Variants in SMYD4 observed in about 807,000 individuals in gnomAD.
The protein encoded by SMYD4 is protein-lysine N-methyltransferase SMYD4.
A neutral mutation model predicts 72.8 loss-of-function variants in SMYD4; 68 were observed. That is an observed-to-expected ratio of 0.93 (90% CI 0.77 to 1.14). SMYD4 has a LOEUF of 1.14. Ranked by LOEUF, SMYD4 falls within the 50% of genes most tolerant of loss-of-function variation. The pLI, the probability that SMYD4 is intolerant of heterozygous loss-of-function variation, is 0.00. For synonymous variants in SMYD4, 407 were observed against 388.6 expected, an observed-to-expected ratio of 1.05 and a Z score of -0.56; for missense variants, 984 against 1,003.7, an observed-to-expected ratio of 0.98 and a Z score of 0.27.
Position 1,827,738 on chromosome 17 carries a change from C to G in SMYD4, c.134+123G>C, listed in dbSNP as rs1439662337. ...ATTGCTTGAGCCCAGAAATTTGAGACCAGCCTGGGAAACAAGCAAGACTCA... is the reference window on the plus strand; with the variant it reads ...ATTGCTTGAGCCCAGAAATTTGAGAGCAGCCTGGGAAACAAGCAAGACTCA... On this transcript the variant is annotated intron_variant, in intron 2 of 10. Coordinates refer to ENST00000305513, the MANE Select transcript of SMYD4 (RefSeq NM_052928.3). 4 of 1,302,546 alleles carry G rather than the reference C, an allele frequency of 3.1e-6. No individual in the cohort carries two copies. In the African/African-American group the frequency reaches 6.0e-5, roughly 19 times the overall value. 80.7% of individuals were successfully genotyped at this position (1,302,546 alleles called of 1,614,324 possible). A position where few individuals can be genotyped will look rare whatever the true frequency, so the allele number is the denominator to read the frequency against.
chr17:1,807,929 A>G (rs1445096338), intron 3 of SMYD4, among the ~76,000 whole-genome samples: 1 of 152,158 alleles, frequency 6.6e-6, no homozygotes, highest in African/African-American at 2.4e-5. Flanking sequence ...TAAAATCTAC[A>G]TGAACAGATT....
intron 8 of SMYD4, 136 bp from the exon 9 acceptor site, chr17:1,783,612 GCA>G (rs1253432726): frequency 4.3e-6 from 6 of 1,406,272 alleles, no homozygotes; most frequent in Non-Finnish European, 5.7e-6. Context: ...TGTCACCAAC[GCA>G]CAATGTCTGT....
intron 2 of SMYD4, among the ~76,000 whole-genome samples, chr17:1,826,688 GGT>G (rs1295822661): frequency 6.6e-6 from 1 of 152,112 alleles, no homozygotes; most frequent in African/African-American, 2.4e-5. Flanking sequence ...GAACGTGAAA[GGT>G]GTGTGTTTCT....
rs763399934 is a variant in SMYD4 at position 1,784,378 on chromosome 17, G to A, written c.1968C>T (p.Asp656=). 3.1e-6 allele frequency: 5 copies of A among 1,614,226 alleles called. No homozygotes were observed. The highest frequency in any genetic ancestry group is 4.2e-6 in the Non-Finnish European group (5 of 1,180,038). ...GGGCCACTCTGACCTGCTGCTGTAGGTCCTGTAACCGAGAGACCAGGTGGT... is the reference window on the plus strand; with the variant it reads ...GGGCCACTCTGACCTGCTGCTGTAGATCCTGTAACCGAGAGACCAGGTGGT... The part of the protein sequence containing the change: ...SRDHLVSRLQ[D]LQQQVRVAQK... Residue 656 remains aspartate (D), a synonymous_variant, in exon 8 of 11, where the codon GAC becomes GAT. Coordinates refer to ENST00000305513, the MANE Select transcript of SMYD4 (RefSeq NM_052928.3).
chr17:1,826,518 AG>A (rs1567791560), intron 2 of SMYD4, among the ~76,000 whole-genome samples: 2 of 137,054 alleles, frequency 1.5e-5, no homozygotes, highest in Non-Finnish European at 1.6e-5. Context: ...AAAAAAAAAA[AG>A]AAAAGAAAAG....
intron 2 of SMYD4, among the ~76,000 whole-genome samples, chr17:1,818,781 T>C (rs1910757865): frequency 6.6e-6 from 1 of 151,916 alleles, no homozygotes. Context: ...GCTGGGACTA[T>C]AGGCACGTAC....
chr17:1,819,771 G>A (rs948271385), intron 2 of SMYD4, among the ~76,000 whole-genome samples: 1 of 152,052 alleles, frequency 6.6e-6, no homozygotes, highest in African/African-American at 2.4e-5. Context: ...TATTTACACA[G>A]ACATAATATG....
intron 5 of SMYD4, among the ~76,000 whole-genome samples, chr17:1,790,070 G>C (rs1308636260): frequency 2.0e-5 from 3 of 152,188 alleles, no homozygotes; most frequent in Non-Finnish European, 4.4e-5. Flanking sequence ...TGGCAGGAAG[G>C]AGCCGTCCAG....
At chr17:1,786,291 AAC>A (rs1011559868) in intron 7 of SMYD4, among the ~76,000 whole-genome samples, 1 of 152,234 alleles carries the variant, frequency 6.6e-6, no homozygotes, top group African/African-American at 2.4e-5. Flanking sequence ...AGGATGGGCT[AAC>A]ACAGAGAAAA....
intron 2 of SMYD4, among the ~76,000 whole-genome samples, chr17:1,817,939 C>T (rs982773444): frequency 1.3e-4 from 20 of 148,388 alleles, no homozygotes; most frequent in Non-Finnish European, 2.5e-4. Flanking sequence ...CCCAGCTACT[C>T]GGGAGGCTGA....
chr17:1,806,612 A>G (rs1237327414), intron 3 of SMYD4, among the ~76,000 whole-genome samples: 1 of 152,118 alleles, frequency 6.6e-6, no homozygotes, highest in Admixed American at 6.6e-5. Context: ...CAGAAATGCC[A>G]TTTTTTTACC....
intron 2 of SMYD4, among the ~76,000 whole-genome samples, chr17:1,817,317 C>T (rs190551319): frequency 2.6e-5 from 4 of 151,724 alleles, no homozygotes; most frequent in Non-Finnish European, 4.4e-5. Flanking sequence ...GGATTACAGG[C>T]GTGAGCCACC....
At chr17:1,785,137 A>G (rs1908587950) in intron 7 of SMYD4, among the ~76,000 whole-genome samples, 1 of 147,542 alleles carries the variant, frequency 6.8e-6, no homozygotes, top group Admixed American at 6.7e-5. Context: ...GAAAACCAAT[A>G]GAAGGCCAGG....
At chr17:1,788,980 T>G (rs1027059199) in intron 5 of SMYD4, among the ~76,000 whole-genome samples, 1 of 152,098 alleles carries the variant, frequency 6.6e-6, no homozygotes, top group South Asian at 2.1e-4. Context: ...ACAAAACAGG[T>G]TGGAAGATAA....
Position 1,812,118 on chromosome 17 carries a change from G to A in SMYD4, c.135-3C>T. ...TTAGAAACAGCTCATCCTCAGGTCT[G>A]CATGAAGAAAGGAGGAAACAAAGTA... On this transcript the variant is annotated splice_region_variant and splice_polypyrimidine_tract_variant and intron_variant, in intron 2 of 10. Transcript: ENST00000305513. The A allele has an allele frequency of 6.2e-7, 1 of 1,611,144 alleles. No homozygotes were observed.
intron 2 of SMYD4, among the ~76,000 whole-genome samples, chr17:1,817,318 G>A (rs1201927667): frequency 1.3e-5 from 2 of 151,744 alleles, no homozygotes; most frequent in Admixed American, 6.6e-5. Context: ...GATTACAGGC[G>A]TGAGCCACCG....
At chr17:1,792,886 G>A (rs1909136694) in intron 5 of SMYD4, among the ~76,000 whole-genome samples, 5 of 152,024 alleles carry the variant, frequency 3.3e-5, no homozygotes, top group Non-Finnish European at 7.4e-5. Flanking sequence ...TGGGCAAACA[G>A]TACCACAACC....
At chr17:1,786,668 T>C (rs1483828474) in intron 7 of SMYD4, 142 bp downstream of exon 7, 6 of 903,636 alleles carry the variant, frequency 6.6e-6, no homozygotes, top group Admixed American at 2.6e-5. Context: ...AACTAGTGTA[T>C]GGGGATGACT....
At chr17:1,799,508 T>C (rs936847049) in intron 5 of SMYD4, among the ~76,000 whole-genome samples, 1 of 151,704 alleles carries the variant, frequency 6.6e-6, no homozygotes, top group African/African-American at 2.4e-5. Context: ...TAGCTGGGAC[T>C]ACAGGCATGT....
Sources: allele counts gnomAD v4.1 joint callset (sites outside exome capture counted in the v4.1 genomes callset), GRCh38; gene constraint gnomAD v4.1.1; transcripts MANE v1.5; gene names NCBI Gene and HGNC (gene_info 2026-07-23, HGNC 2026-07-21).